The following HKDC1 variants were observed in gnomAD, a reference collection of about 807,000 sequenced individuals.
HKDC1 encodes hexokinase HKDC1.
HKDC1 carries 66 observed loss-of-function variants against 96.6 expected under a neutral mutation model. The observed-to-expected ratio is 0.68, with a 90% CI of 0.56 to 0.84. The LOEUF (loss-of-function observed/expected upper bound fraction) is 0.84, where lower values mean the gene tolerates loss of function less well. Ranked by LOEUF, HKDC1 falls within the 40% of genes least tolerant of loss-of-function variation. HKDC1 has a pLI of 0.00. For missense variants in HKDC1, 1,211 were observed against 1,208.1 expected (o/e 1.00, Z -0.04); for synonymous variants, 466 against 473.1 (o/e 0.98, Z 0.20).
intron 15 of HKDC1, 115 bp from the exon 16 acceptor site, chr10:69,261,024 G>A (rs1843797854): frequency 2.3e-6 from 2 of 874,934 alleles, no homozygotes; most frequent in Admixed American, 4.3e-5. Context: ...CTAGTATGTG[G>A]CAGAGCTAGG....
intron 16 of HKDC1, among the ~76,000 whole-genome samples, chr10:69,264,860 T>C (rs1396442990): frequency 6.6e-6 from 1 of 152,228 alleles, no homozygotes; most frequent in Non-Finnish European, 1.5e-5. Context: ...GGGCTCCGTT[T>C]AAGTACCATT....
intron 2 of HKDC1, among the ~76,000 whole-genome samples, chr10:69,229,954 A>T (rs561961969): frequency 6.6e-6 from 1 of 152,286 alleles, no homozygotes; most frequent in South Asian, 2.1e-4. Context: ...AGCTCTTGTG[A>T]GCTGGTGGTA....
In HKDC1 at chr10:69,258,909, C is replaced by A. The variant is rs142237522; in HGVS notation, c.2166C>A (p.Thr722=). ...ATGGCTGCATAGATGACATCTGGACCCGATACGACACGGAGGTGGATGAGG... is the reference window on the plus strand; with the variant it reads ...ATGGCTGCATAGATGACATCTGGACACGATACGACACGGAGGTGGATGAGG... ...GDNGCIDDIW[T]RYDTEVDEGS... is the part of the protein sequence containing the mutation. Residue 722 remains threonine (T), a synonymous_variant, in exon 15 of 18, where the codon ACC becomes ACA. Transcript: ENST00000354624. 4.4e-6 allele frequency: 7 copies of A among 1,606,046 alleles called. No homozygotes were observed. In the African/African-American group the frequency reaches 8.0e-5, roughly 18 times the overall value.
At chr10:69,242,429 G>GAAAAA (rs5785904) in intron 6 of HKDC1, among the ~76,000 whole-genome samples, 153 of 110,986 alleles carry the variant, frequency 1.4e-3, no homozygotes, top group East Asian at 2.1e-3. Flanking sequence ...AGATACTGAA[G>GAAAAA]AAAAAAAAAA....
Position 69,261,165 on chromosome 10 carries a change from A to C in HKDC1, c.2243A>C (p.Tyr748Ser), listed in dbSNP as rs373020719. The C allele has an allele frequency of 7.4e-6, 12 of 1,614,048 alleles. 1 individual carries two copies. The East Asian group carries it at 1.3e-4, about 18-fold the overall frequency. ...QRYEKMTSGM[Y>S]LGEIVRQILI... ...TACGAGAAAATGACCAGTGGGATGT[A>C]CTTGGGGGAGATTGTGCGGCAGATC... Residue 748 changes from tyrosine to serine, a missense_variant, in exon 16 of 18, where the codon TAC becomes TCC. Coordinates refer to ENST00000354624, the MANE Select transcript of HKDC1 (RefSeq NM_025130.4).
chr10:69,251,373 G>A (rs1181038148), intron 12 of HKDC1, among the ~76,000 whole-genome samples: 1 of 152,096 alleles, frequency 6.6e-6, no homozygotes, highest in Non-Finnish European at 1.5e-5. Context: ...TAGGATTACA[G>A]GTGTGAGCCA....
At chr10:69,226,589 A>G (rs1392158804) in intron 1 of HKDC1, among the ~76,000 whole-genome samples, 1 of 151,858 alleles carries the variant, frequency 6.6e-6, no homozygotes, top group African/African-American at 2.4e-5. Flanking sequence ...TGGGAGGTGG[A>G]GGCTGCAGTG....
chr10:69,259,472 A>G (rs1314659590), intron 15 of HKDC1, among the ~76,000 whole-genome samples: 1 of 152,244 alleles, frequency 6.6e-6, no homozygotes, highest in East Asian at 1.9e-4. Flanking sequence ...ACTGAAAATA[A>G]TGAATGGCCT....
At chr10:69,253,879 C>G (rs949047815) in intron 12 of HKDC1, among the ~76,000 whole-genome samples, 1 of 152,182 alleles carries the variant, frequency 6.6e-6, no homozygotes, top group African/African-American at 2.4e-5. Context: ...GACAGACTCT[C>G]ATCAGCCAAG....
rs2132340360 is a variant in HKDC1, at chr10:69,233,091, C to G, written c.453C>G (p.Gly151=). ...TAAAGCATAAGAAATTGCCCCTTGGCCTAACTTTTTCTTTCCCCTGTCGAC... is the reference window on the plus strand; with the variant it reads ...TAAAGCATAAGAAATTGCCCCTTGGGCTAACTTTTTCTTTCCCCTGTCGAC... The part of the protein sequence containing the change: ...KDLKHKKLPL[G]LTFSFPCRQT... Residue 151 remains glycine (G), a synonymous_variant, in exon 4 of 18, where the codon GGC becomes GGG. Coordinates refer to ENST00000354624, the MANE Select transcript of HKDC1 (RefSeq NM_025130.4). 1.9e-6 allele frequency: 3 copies of G among 1,614,150 alleles called. No individual in the cohort carries two copies. The East Asian group carries it at 6.7e-5, about 36-fold the overall frequency.
In HKDC1 at chr10:69,257,234, C is replaced by T. The variant is rs78953804; in HGVS notation, c.1933-93C>T. The T allele has an allele frequency of 1.3e-3, 1,809 of 1,446,450 alleles. 24 individuals carry two copies. In the African/African-American group the frequency reaches 0.022, roughly 18 times the overall value. The allele number at this position is 1,446,450 out of a possible 1,614,324, so 89.6% of individuals were successfully genotyped here. On this transcript the variant is annotated intron_variant, in intron 13 of 17. Coordinates refer to ENST00000354624, the MANE Select transcript of HKDC1 (RefSeq NM_025130.4). ...TTCCTATGACTCTGGCCTCTGTCTG[C>T]CTTGGGATAACATGCCCCTCCTAAA...
intron 4 of HKDC1, among the ~76,000 whole-genome samples, chr10:69,236,838 C>G (rs1352747389): frequency 6.6e-6 from 1 of 151,904 alleles, no homozygotes; most frequent in Admixed American, 6.6e-5. Flanking sequence ...TCATCGCAGT[C>G]TAGTCAAATA....
chr10:69,231,520 C>G (rs972915857), intron 2 of HKDC1, among the ~76,000 whole-genome samples: 1 of 152,142 alleles, frequency 6.6e-6, no homozygotes, highest in Non-Finnish European at 1.5e-5. Context: ...CTGACTCCTG[C>G]TCACCCTTCA....
chr10:69,261,568 T>C (rs1205861771), intron 16 of HKDC1: 44 of 329,552 alleles, frequency 1.3e-4, no homozygotes, highest in Non-Finnish European at 5.6e-6. Flanking sequence ...CATCAGTTCA[T>C]CTATAAATAT....
At chr10:69,227,489 C>G (rs1278467043) in intron 2 of HKDC1, 120 bp downstream of exon 2, 2 of 984,086 alleles carry the variant, frequency 2.0e-6, no homozygotes, top group Non-Finnish European at 3.0e-6. Context: ...TGCTGTCCCA[C>G]CCTCCCTGCC....
intron 6 of HKDC1, among the ~76,000 whole-genome samples, chr10:69,241,312 G>C (rs1283851216): frequency 6.6e-6 from 1 of 152,038 alleles, no homozygotes; most frequent in Non-Finnish European, 1.5e-5. Context: ...GTCCGGATGA[G>C]GTGAGTGAAG....
Position 69,236,167 on chromosome 10 carries a change from G to T in HKDC1, c.496-2875G>T, listed in dbSNP as rs140287554. On this transcript the variant is annotated intron_variant, in intron 4 of 17. Coordinates refer to ENST00000354624, the MANE Select transcript of HKDC1 (RefSeq NM_025130.4). ...TCTGTCGCCCAGGCTGGAGTGCAGT[G>T]GTGTGATCTCGGCTCACCACAATCT... 7.0e-3 allele frequency among the ~76,000 whole-genome samples: 1,055 copies of T among 150,764 alleles called. 7 individuals carry two copies. The highest frequency in any genetic ancestry group is 0.01 in the Non-Finnish European group (693 of 67,712).
chr10:69,237,660 T>G (rs1843384145), intron 4 of HKDC1, among the ~76,000 whole-genome samples: 1 of 152,188 alleles, frequency 6.6e-6, no homozygotes, highest in Non-Finnish European at 1.5e-5. Context: ...AACAGGGATT[T>G]TTGAAGAAAG....
At position 69,227,256 on chromosome 10, in the gene HKDC1, A is replaced by G. The variant is rs1589401833; in HGVS notation, c.113A>G (p.Asp38Gly). Residue 38 changes from aspartate to glycine, a missense_variant, in exon 2 of 18, where the codon GAC becomes GGC. By Grantham distance (94) the Asp-to-Gly change is moderately conservative. Coordinates refer to ENST00000354624, the MANE Select transcript of HKDC1 (RefSeq NM_025130.4). The stretch of plus-strand genomic sequence containing the variant: ...CGGCTCTCCGATGACACCCTTTTGG[A>G]CATCATGAGGCGGTTCCGGGCTGAG... ...HMRLSDDTLL[D>G]IMRRFRAEME... 1 of 1,614,078 alleles carries G rather than the reference A, an allele frequency of 6.2e-7. No individual in the cohort carries two copies. Among genetic ancestry groups the G allele is most frequent in the Non-Finnish European group, 8.5e-7 (1 of 1,180,000 alleles).
Sources: gnomAD v4.1 joint callset for allele counts (sites outside exome capture counted in the v4.1 genomes callset) on GRCh38, gnomAD v4.1.1 for gene constraint, MANE v1.5 for transcripts, NCBI Gene and HGNC (gene_info 2026-07-23, HGNC 2026-07-21) for gene names.